Variants in GOLGA5 observed in about 807,000 individuals in gnomAD.
GOLGA5 encodes golgin subfamily A member 5.
A neutral mutation model predicts 93.5 loss-of-function variants in GOLGA5; 50 were observed. The ratio of observed to expected loss-of-function variants is 0.53; its 90% CI spans 0.43 to 0.68. The LOEUF (loss-of-function observed/expected upper bound fraction) is 0.68. Among genes scored for constraint, GOLGA5 ranks in the 30% least tolerant of loss-of-function variants. The pLI is 0.00. For synonymous variants in GOLGA5, 312 were observed against 304.5 expected, an observed-to-expected ratio of 1.02 and a Z score of -0.26; for missense variants, 760 against 856.4, an observed-to-expected ratio of 0.89 and a Z score of 1.40.
Position 92,827,449 on chromosome 14 carries a change from C to CAT in GOLGA5, c.1719+2805_1719+2806insAT, listed in dbSNP as rs373683815. 9.4e-3 allele frequency among the ~76,000 whole-genome samples: 1,437 copies of CAT among 152,298 alleles called. 5 individuals are homozygous for CAT. Among genetic ancestry groups the CAT allele is most frequent in the Middle Eastern group, 0.02 (6 of 294 alleles). On this transcript the variant is annotated intron_variant, in intron 9 of 12. Transcript: ENST00000163416. ...AACTGCATCCACATAAGACAGTGAA[C>CAT]TTAATCCATAAATGTGTGTGTTCTG... is the stretch of plus-strand genomic sequence containing the variant.
Position 92,797,456 on chromosome 14 carries a change from C to A in GOLGA5, c.19C>A (p.Leu7Ile). 1 of 1,606,874 alleles carries A rather than the reference C, an allele frequency of 6.2e-7. No homozygotes were observed. Among genetic ancestry groups the A allele is most frequent in the Non-Finnish European group, 8.5e-7 (1 of 1,177,374 alleles). ...TGCCATCATGTCTTGGTTTGTTGAT[C>A]TTGCTGGAAAGGCAGAAGATCTTTT... MSWFVD[L>I]AGKAEDLLNR... The change falls in exon 2 of 13, where the codon CTT (leucine) becomes ATT (isoleucine). Residue 7 changes from leucine (L) to isoleucine (I), a missense_variant. Coordinates refer to ENST00000163416, the MANE Select transcript of GOLGA5 (RefSeq NM_005113.4).
intron 2 of GOLGA5, among the ~76,000 whole-genome samples, chr14:92,800,856 C>T (rs1273994567): frequency 6.6e-6 from 1 of 152,094 alleles, no homozygotes; most frequent in African/African-American, 2.4e-5. Flanking sequence ...AAAGAATGGA[C>T]CTAAAGGGAA....
At chr14:92,820,886 A>G (rs1049928179) in intron 8 of GOLGA5, among the ~76,000 whole-genome samples, 6 of 152,214 alleles carry the variant, frequency 3.9e-5, no homozygotes, top group African/African-American at 9.7e-5. Context: ...GGGCAAAGCA[A>G]TTGTTCAGGG....
intron 10 of GOLGA5, 134 bp downstream of exon 10, chr14:92,833,481 G>T: frequency 1.5e-6 from 1 of 645,606 alleles, no homozygotes; most frequent in Non-Finnish European, 2.8e-6. Context: ...CCTGGGCCAC[G>T]TACTGTTTAG....
chr14:92,838,700 G>T (rs539805942), intron 12 of GOLGA5, among the ~76,000 whole-genome samples: 1 of 152,036 alleles, frequency 6.6e-6, no homozygotes, highest in African/African-American at 2.4e-5. Context: ...AGCGTGGGGA[G>T]TACAAAAAAA....
chr14:92,831,003 G>T (rs541273812), intron 9 of GOLGA5, among the ~76,000 whole-genome samples: 20 of 152,030 alleles, frequency 1.3e-4, no homozygotes, highest in Non-Finnish European at 2.8e-4. Context: ...TTATCTCTGA[G>T]GTGTGCCTGT....
intron 6 of GOLGA5, among the ~76,000 whole-genome samples, chr14:92,815,294 T>G (rs60430152): frequency 0.013 from 2,046 of 152,340 alleles, 39 homozygotes; most frequent in African/African-American, 0.045. Flanking sequence ...ATTTATGCTC[T>G]CTTAAAGTCT....
chr14:92,830,259 A>G (rs1017376622), intron 9 of GOLGA5, among the ~76,000 whole-genome samples: 8 of 152,204 alleles, frequency 5.3e-5, no homozygotes, highest in Non-Finnish European at 5.9e-5. Flanking sequence ...CGGAGGTTGC[A>G]GTGAGGTGAG....
At chr14:92,823,049 A>G (rs1293392925) in intron 8 of GOLGA5, among the ~76,000 whole-genome samples, 1 of 152,172 alleles carries the variant, frequency 6.6e-6, no homozygotes, top group East Asian at 1.9e-4. Flanking sequence ...GTGAAATTAT[A>G]AAGAAATTTG....
intron 2 of GOLGA5, among the ~76,000 whole-genome samples, chr14:92,801,213 C>G (rs1356700035): frequency 4.6e-5 from 7 of 152,232 alleles, no homozygotes; most frequent in Admixed American, 4.6e-4. Context: ...CAATGTTCAG[C>G]TACACTAGTA....
intron 6 of GOLGA5, among the ~76,000 whole-genome samples, chr14:92,815,064 C>T (rs1300736821): frequency 6.6e-6 from 1 of 152,154 alleles, no homozygotes; most frequent in Non-Finnish European, 1.5e-5. Flanking sequence ...CTAGTCATGT[C>T]ACTCCTCTCT....
intron 1 of GOLGA5, among the ~76,000 whole-genome samples, chr14:92,795,329 C>A (rs1884702520): frequency 6.6e-6 from 1 of 152,192 alleles, no homozygotes; most frequent in Non-Finnish European, 1.5e-5. Flanking sequence ...TTAATAGTCA[C>A]ATGTGTAAAG....
intron 8 of GOLGA5, among the ~76,000 whole-genome samples, chr14:92,820,437 G>C (rs1885293857): frequency 6.6e-6 from 1 of 152,202 alleles, no homozygotes; most frequent in Non-Finnish European, 1.5e-5. Context: ...TAGAACAAAT[G>C]TACAATCGGG....
At chr14:92,813,248 C>G (rs1885138809) in intron 6 of GOLGA5, among the ~76,000 whole-genome samples, 1 of 152,122 alleles carries the variant, frequency 6.6e-6, no homozygotes, top group South Asian at 2.1e-4. Flanking sequence ...TATTGAGCAC[C>G]TAACTACTCA....
chr14:92,830,513 C>T (rs1194863886), intron 9 of GOLGA5, among the ~76,000 whole-genome samples: 2 of 151,914 alleles, frequency 1.3e-5, no homozygotes, highest in Non-Finnish European at 2.9e-5. Context: ...ATTAGACATC[C>T]CTGATTTAAA....
At chr14:92,808,108 C>T (rs935282387) in intron 3 of GOLGA5, among the ~76,000 whole-genome samples, 1 of 152,220 alleles carries the variant, frequency 6.6e-6, no homozygotes, top group Admixed American at 6.5e-5. Context: ...GTGGCGCGTG[C>T]CTGTTATTCC....
intron 2 of GOLGA5, among the ~76,000 whole-genome samples, chr14:92,804,591 T>G (rs1441653437): frequency 6.6e-6 from 1 of 151,772 alleles, no homozygotes; most frequent in African/African-American, 2.4e-5. Context: ...ATTTTCTTAC[T>G]CTAAAAATAC....
rs1885076271 is a variant in GOLGA5, at chr14:92,810,260, G to GCAGGAT, written c.1002_1007dup (p.Asp335_Gln336dup). On this transcript the variant is annotated inframe_insertion, in exon 5 of 13. Transcript: ENST00000163416. ...ATGATGCATTTTCCTTTAGAATAAT[G>GCAGGAT]CAGGATCAAAGTGAAGGTAACAGCC... The GCAGGAT allele has an allele frequency of 1.2e-6, 2 of 1,601,924 alleles. No homozygotes were observed. The highest frequency in any genetic ancestry group is 1.7e-6 in the Non-Finnish European group (2 of 1,172,500).
intron 2 of GOLGA5, among the ~76,000 whole-genome samples, chr14:92,799,965 G>T (rs1884833350): frequency 6.6e-6 from 1 of 152,146 alleles, no homozygotes; most frequent in African/African-American, 2.4e-5. Flanking sequence ...GGATGTTATA[G>T]CTTCTTTCAT....
Sources: allele counts gnomAD v4.1 joint callset (sites outside exome capture counted in the v4.1 genomes callset), GRCh38; gene constraint gnomAD v4.1.1; transcripts MANE v1.5; gene names NCBI Gene and HGNC (gene_info 2026-07-23, HGNC 2026-07-21).